FOXO1: variants seen among roughly 807,000 people sequenced by gnomAD.
FOXO1 encodes the protein forkhead box O1.
FOXO1 carries 6 observed loss-of-function variants against 44.1 expected under a neutral mutation model. That is an observed-to-expected ratio of 0.14 (90% CI 0.07 to 0.27). The LOEUF (loss-of-function observed/expected upper bound fraction) is 0.27. Ranked by LOEUF, FOXO1 falls within the 10% of genes least tolerant of loss-of-function variation. The pLI is 1.00. For missense variants in FOXO1, 737 were observed against 888.8 expected (o/e 0.83, Z 2.17); for synonymous variants, 380 against 362.7 (o/e 1.05, Z -0.54).
intron 1 of FOXO1, among the ~76,000 whole-genome samples, chr13:40,576,784 T>G (rs890928467): frequency 6.6e-6 from 1 of 152,236 alleles, no homozygotes; most frequent in Non-Finnish European, 1.5e-5. Context: ...CCAGGACCAT[T>G]TGTTTTGAAA....
chr13:40,663,606 T>C (rs1878117840), intron 1 of FOXO1, among the ~76,000 whole-genome samples: 1 of 152,222 alleles, frequency 6.6e-6, no homozygotes, highest in South Asian at 2.1e-4. Flanking sequence ...GTACTTAAAT[T>C]CAAATGTTAA....
chr13:40,656,833 A>ATTT lies in FOXO1; in HGVS notation c.630+8747_630+8749dup, dbSNP rs758886907. Among the ~76,000 whole-genome samples, 225 of 145,508 alleles carry ATTT rather than the reference A, an allele frequency of 1.5e-3. 1 individual carries two copies. Among genetic ancestry groups the ATTT allele is most frequent in the African/African-American group, 5.3e-3 (213 of 39,856 alleles). ...TTTCACATGCCTATCACTCTGAGAA[A>ATTT]TTTTTTTTTTTTTTTGAGACCGAGT... On this transcript the variant is annotated intron_variant, in intron 1 of 2. Coordinates refer to ENST00000379561, the MANE Select transcript of FOXO1 (RefSeq NM_002015.4).
At chr13:40,584,469 C>CAAAAAAAAAAAAGAAA (rs1875073412) in intron 1 of FOXO1, among the ~76,000 whole-genome samples, 1 of 63,130 alleles carries the variant, frequency 1.6e-5, no homozygotes, top group Non-Finnish European at 2.6e-5. Flanking sequence ...ACAAAAAATG[C>CAAAAAAAAAAAAGAAA]AAAAAAAAAA....
chr13:40,605,718 A>C (rs1020530294), intron 1 of FOXO1, among the ~76,000 whole-genome samples: 1 of 152,044 alleles, frequency 6.6e-6, no homozygotes. Context: ...CTAAACCCCC[A>C]AGGTACTCCC....
At chr13:40,656,400 A>C (rs1223822440) in intron 1 of FOXO1, among the ~76,000 whole-genome samples, 1 of 152,254 alleles carries the variant, frequency 6.6e-6, no homozygotes, top group African/African-American at 2.4e-5. Flanking sequence ...AAAAAGCAAG[A>C]CTTAATTTAA....
intron 1 of FOXO1, among the ~76,000 whole-genome samples, chr13:40,599,589 ATG>A (rs1875744501): frequency 1.3e-5 from 2 of 152,156 alleles, no homozygotes; most frequent in African/African-American, 4.8e-5. Context: ...ATCGTGTGGC[ATG>A]TGTCTTTGTG....
intron 1 of FOXO1, among the ~76,000 whole-genome samples, chr13:40,642,305 T>TCTAG (rs1877379250): frequency 2.6e-5 from 4 of 152,124 alleles, no homozygotes; most frequent in Admixed American, 2.6e-4. Flanking sequence ...CAAACCCCAA[T>TCTAG]CTAGACATAC....
chr13:40,638,869 G>A (rs1877251917), intron 1 of FOXO1, among the ~76,000 whole-genome samples: 1 of 152,062 alleles, frequency 6.6e-6, no homozygotes. Flanking sequence ...AGGAAGGGGG[G>A]CAGGGCAGCG....
In FOXO1 at chr13:40,614,584, C is replaced by A. The variant is rs546357380; in HGVS notation, c.630+50999G>T. The stretch of plus-strand genomic sequence containing the variant: ...CTGAGAACAACGCCAGCAACTTTCT[C>A]ACAGTGCACAGTGGAAGATCTCTTG... On this transcript the variant is annotated intron_variant, in intron 1 of 2. Coordinates refer to ENST00000379561, the MANE Select transcript of FOXO1 (RefSeq NM_002015.4). Among the ~76,000 whole-genome samples the A allele has an allele frequency of 3.7e-4, 57 of 152,324 alleles. 1 individual carries two copies. Among genetic ancestry groups the A allele is most frequent in the African/African-American group, 1.2e-3 (49 of 41,566 alleles).
intron 1 of FOXO1, among the ~76,000 whole-genome samples, chr13:40,584,997 A>T (rs1875102469): frequency 6.6e-6 from 1 of 152,222 alleles, no homozygotes; most frequent in African/African-American, 2.4e-5. Flanking sequence ...GTAGATTCTG[A>T]TTTAACAAGA....
intron 1 of FOXO1, among the ~76,000 whole-genome samples, chr13:40,625,540 G>A (rs943320022): frequency 2.6e-5 from 4 of 151,844 alleles, no homozygotes; most frequent in African/African-American, 9.7e-5. Context: ...ATAAAACAGA[G>A]GTTTTTTTTA....
chr13:40,640,738 G>A (rs1168183941), intron 1 of FOXO1, among the ~76,000 whole-genome samples: 3 of 151,996 alleles, frequency 2.0e-5, no homozygotes, highest in Non-Finnish European at 4.4e-5. Flanking sequence ...TGTCCAAACA[G>A]GTCAGTGTTT....
chr13:40,631,410 A>G (rs910281514), intron 1 of FOXO1, among the ~76,000 whole-genome samples: 2 of 152,228 alleles, frequency 1.3e-5, no homozygotes, highest in Non-Finnish European at 2.9e-5. Flanking sequence ...ATGGTTTCTT[A>G]GACATGACAC....
intron 1 of FOXO1, among the ~76,000 whole-genome samples, chr13:40,609,192 A>C (rs1876135263): frequency 6.6e-6 from 1 of 152,196 alleles, no homozygotes; most frequent in Admixed American, 6.5e-5. Context: ...GACCTGAAAT[A>C]AAATTACGTT....
intron 1 of FOXO1, among the ~76,000 whole-genome samples, chr13:40,601,965 T>C (rs1192385075): frequency 6.6e-6 from 1 of 152,202 alleles, no homozygotes; most frequent in Non-Finnish European, 1.5e-5. Flanking sequence ...TCAATAATAA[T>C]GAAATTACAT....
At chr13:40,562,539 G>A (rs1345143942) in intron 1 of FOXO1, 3 of 152,196 alleles carry the variant, frequency 2.0e-5, no homozygotes, top group African/African-American at 4.8e-5. Context: ...ACATAAAAAT[G>A]CTCAGCGGTG....
chr13:40,641,332 T>C (rs1191023023), intron 1 of FOXO1, among the ~76,000 whole-genome samples: 1 of 152,050 alleles, frequency 6.6e-6, no homozygotes, highest in Non-Finnish European at 1.5e-5. Flanking sequence ...TCATTAATCA[T>C]CACCACAAAC....
chr13:40,581,601 G>T (rs1009813545), intron 1 of FOXO1, among the ~76,000 whole-genome samples: 3 of 152,120 alleles, frequency 2.0e-5, no homozygotes, highest in African/African-American at 7.2e-5. Flanking sequence ...AAATCAACTA[G>T]TTTCCCACAA....
At chr13:40,591,230 C>T (rs1038489811) in intron 1 of FOXO1, among the ~76,000 whole-genome samples, 3 of 152,148 alleles carry the variant, frequency 2.0e-5, no homozygotes, top group African/African-American at 7.2e-5. Flanking sequence ...GGGTCAAACA[C>T]CTTGAAAGGG....
Sources: gnomAD v4.1 joint callset for allele counts (sites outside exome capture counted in the v4.1 genomes callset) on GRCh38, gnomAD v4.1.1 for gene constraint, MANE v1.5 for transcripts, NCBI Gene and HGNC (gene_info 2026-07-23, HGNC 2026-07-21) for gene names.